The following CNTNAP5 variants were observed in gnomAD, a reference collection of about 807,000 sequenced individuals.
CNTNAP5 encodes contactin-associated protein-like 5.
A neutral mutation model predicts 150.2 loss-of-function variants in CNTNAP5; 72 were observed. The ratio of observed to expected loss-of-function variants is 0.48; its 90% confidence interval spans 0.40 to 0.58. CNTNAP5 has a LOEUF of 0.58. Among genes scored for constraint, CNTNAP5 ranks in the 20% least tolerant of loss-of-function variants. The probability of loss-of-function intolerance (pLI) is 0.00; values close to 1 mark genes in which losing one functional copy is unlikely to be tolerated. For synonymous variants in CNTNAP5, 672 were observed against 619.8 expected, an observed-to-expected ratio of 1.08 and a Z score of -1.25; for missense variants, 1,636 against 1,626.2, an observed-to-expected ratio of 1.01 and a Z score of -0.10.
At chr2:124,712,319 A>G (rs918545902) in intron 13 of CNTNAP5, among the ~76,000 whole-genome samples, 2 of 152,192 alleles carry the variant, frequency 1.3e-5, no homozygotes, top group African/African-American at 4.8e-5. Context: ...TAATCCTCAC[A>G]ACAACCATAT....
chr2:124,442,949 G>C (rs1408729891), intron 5 of CNTNAP5, among the ~76,000 whole-genome samples: 1 of 152,076 alleles, frequency 6.6e-6, no homozygotes, highest in Non-Finnish European at 1.5e-5. Context: ...ACCGTATGTT[G>C]TTGGCAAGCC....
intron 19 of CNTNAP5, among the ~76,000 whole-genome samples, chr2:124,861,545 G>A (rs1035145838): frequency 2.0e-4 from 31 of 152,032 alleles, no homozygotes; most frequent in Admixed American, 4.6e-4. Context: ...CCGAGATCAC[G>A]CCACTGCACT....
chr2:124,847,985 C>T (rs2104700245), intron 19 of CNTNAP5, among the ~76,000 whole-genome samples: 1 of 152,110 alleles, frequency 6.6e-6, no homozygotes, highest in Non-Finnish European at 1.5e-5. Context: ...CATATCATTG[C>T]ATTTAAAAAA....
At position 124,524,538 on chromosome 2, in the gene CNTNAP5, G is replaced by A; in HGVS notation, c.1477+86G>A. The A allele has an allele frequency of 3.8e-6, 5 of 1,310,114 alleles. No homozygotes were observed. The South Asian group carries it at 5.6e-5, about 15-fold the overall frequency. The allele number at this position is 1,310,114 out of a possible 1,614,324, so 81.2% of individuals were successfully genotyped here. A position where few individuals can be genotyped will look rare whatever the true frequency, so the allele number is the denominator to read the frequency against. On this transcript the variant is annotated intron_variant, in intron 9 of 23. Coordinates refer to ENST00000682447, the MANE Select transcript of CNTNAP5 (RefSeq NM_001367498.1). Reference sequence around the variant, plus strand: ...TATTTCACTATGATGGTTCTGGTTTGGTCAATTAGACAATTCTCCCAACAC... The same window carrying A: ...TATTTCACTATGATGGTTCTGGTTTAGTCAATTAGACAATTCTCCCAACAC...
intron 8 of CNTNAP5, among the ~76,000 whole-genome samples, chr2:124,506,736 A>C (rs982201385): frequency 6.6e-6 from 1 of 152,324 alleles, no homozygotes; most frequent in South Asian, 2.1e-4. Flanking sequence ...TTAATGGTTG[A>C]AAACATTTTT....
chr2:124,658,173 C>T (rs1678498740), intron 13 of CNTNAP5, among the ~76,000 whole-genome samples: 1 of 152,168 alleles, frequency 6.6e-6, no homozygotes, highest in Admixed American at 6.5e-5. Context: ...CACACGTGCA[C>T]TTGGCCAAGC....
chr2:124,728,180 A>C (rs549849507), intron 13 of CNTNAP5, among the ~76,000 whole-genome samples: 58 of 152,030 alleles, frequency 3.8e-4, no homozygotes, highest in African/African-American at 1.3e-3. Flanking sequence ...TGTGCTTTTG[A>C]ATTTCATTTA....
At chr2:124,358,851 A>G (rs577785087) in intron 3 of CNTNAP5, among the ~76,000 whole-genome samples, 2,219 of 149,768 alleles carry the variant, frequency 0.015, 53 homozygotes, top group African/African-American at 0.051. Flanking sequence ...CTCTTTTTCT[A>G]TTGATTGGAA....
Position 124,214,568 on chromosome 2 carries a change from C to T in CNTNAP5, c.83-7137C>T, listed in dbSNP as rs550486385. Among the ~76,000 whole-genome samples, 82 of 152,234 alleles carry T rather than the reference C, an allele frequency of 5.4e-4. No individual in the cohort carries two copies. The Middle Eastern group carries it at 0.02, about 38-fold the overall frequency. On this transcript the variant is annotated intron_variant, in intron 1 of 23. Coordinates refer to ENST00000682447, the MANE Select transcript of CNTNAP5 (RefSeq NM_001367498.1). ...TTGATGAAACAAATGAACAATAACC[C>T]GTGCCGTTATAAAGTTGAGGAATCT...
chr2:124,576,162 CTA>C (rs962574423), intron 11 of CNTNAP5, among the ~76,000 whole-genome samples: 1 of 151,902 alleles, frequency 6.6e-6, no homozygotes, highest in African/African-American at 2.4e-5. Flanking sequence ...ATATCTATAT[CTA>C]TATCTATATA....
intron 17 of CNTNAP5, among the ~76,000 whole-genome samples, chr2:124,773,945 T>A (rs111994757): frequency 0.034 from 3,591 of 106,276 alleles, 44 homozygotes; most frequent in African/African-American, 0.069. Context: ...TGTGTGTGTG[T>A]GTGAGAGAGA....
At chr2:124,893,810 T>C (rs1678249544) in intron 21 of CNTNAP5, among the ~76,000 whole-genome samples, 1 of 152,110 alleles carries the variant, frequency 6.6e-6, no homozygotes, top group Admixed American at 6.6e-5. Context: ...AACAGCCAAA[T>C]TTAGGTCATT....
At chr2:124,650,909 T>A (rs1678307262) in intron 13 of CNTNAP5, among the ~76,000 whole-genome samples, 1 of 152,334 alleles carries the variant, frequency 6.6e-6, no homozygotes, top group Middle Eastern at 3.4e-3. Flanking sequence ...TAGATCTTTG[T>A]GAACATAACT....
chr2:124,712,593 C>T (rs1006958298), intron 13 of CNTNAP5, among the ~76,000 whole-genome samples: 3 of 152,114 alleles, frequency 2.0e-5, no homozygotes, highest in African/African-American at 4.8e-5. Context: ...TTAAAAATAA[C>T]GGAAATTAAT....
chr2:124,191,490 T>TTA lies in CNTNAP5; in HGVS notation c.83-30205_83-30204dup, dbSNP rs560332283. Among the ~76,000 whole-genome samples the TTA allele has an allele frequency of 3.8e-3, 582 of 152,090 alleles. 3 individuals are homozygous for TTA. Among genetic ancestry groups the TTA allele is most frequent in the African/African-American group, 0.013 (556 of 41,500 alleles). ...TCTTGAAAAACTTCCAAATTATATA[T>TTA]TATATATATATCATATGTATAGTCA... On this transcript the variant is annotated intron_variant, in intron 1 of 23. Coordinates refer to ENST00000682447, the MANE Select transcript of CNTNAP5 (RefSeq NM_001367498.1).
intron 1 of CNTNAP5, among the ~76,000 whole-genome samples, chr2:124,103,645 A>G (rs1400123439): frequency 2.0e-5 from 3 of 152,102 alleles, no homozygotes; most frequent in Non-Finnish European, 2.9e-5. Context: ...GCCTAGGAGC[A>G]ATAAGCTGTG....
intron 7 of CNTNAP5, among the ~76,000 whole-genome samples, chr2:124,490,061 T>A (rs1253334572): frequency 6.6e-6 from 1 of 152,066 alleles, no homozygotes; most frequent in Non-Finnish European, 1.5e-5. Flanking sequence ...TTAATTATTA[T>A]TAATTATTAC....
intron 4 of CNTNAP5, among the ~76,000 whole-genome samples, chr2:124,425,964 G>T (rs994241971): frequency 1.3e-5 from 2 of 151,970 alleles, no homozygotes; most frequent in Admixed American, 1.3e-4. Flanking sequence ...TGTAATCTTT[G>T]TCATTATTCA....
chr2:124,633,691 C>T (rs1037711525), intron 12 of CNTNAP5, among the ~76,000 whole-genome samples: 1 of 152,176 alleles, frequency 6.6e-6, no homozygotes, highest in African/African-American at 2.4e-5. Context: ...CCACACTGCC[C>T]TAGTAGAGCT....
Sources: allele counts gnomAD v4.1 joint callset (sites outside exome capture counted in the v4.1 genomes callset), GRCh38; gene constraint gnomAD v4.1.1; transcripts MANE v1.5; gene names NCBI Gene and HGNC (gene_info 2026-07-23, HGNC 2026-07-21).